Variants in UGT1A8 observed in about 807,000 individuals in gnomAD.
UGT1A8 encodes the protein UDP glucuronosyltransferase family 1 member A8, also known as UDP-glucuronosyltransferase 1A8.
UGT1A8 carries 39 observed loss-of-function variants against 45.3 expected under a neutral mutation model. The observed-to-expected ratio is 0.86, with a 90% CI of 0.67 to 1.12. The LOEUF is 1.12. Among genes scored for constraint, UGT1A8 ranks in the 50% most tolerant of loss-of-function variants. UGT1A8 has a pLI of 0.00. For missense variants in UGT1A8, 719 were observed against 664.9 expected (o/e 1.08, Z -0.90); for synonymous variants, 275 against 249.2 (o/e 1.10, Z -0.97).
chr2:233,628,222 A>G (rs964723688), intron 1 of UGT1A8, among the ~76,000 whole-genome samples: 1 of 152,090 alleles, frequency 6.6e-6, no homozygotes, highest in African/African-American at 2.4e-5. Flanking sequence ...GCATATTTTA[A>G]AGTAATAAAT....
At chr2:233,732,349 T>A (rs1331822531) in intron 1 of UGT1A8, among the ~76,000 whole-genome samples, 1 of 152,014 alleles carries the variant, frequency 6.6e-6, no homozygotes, top group Non-Finnish European at 1.5e-5. Flanking sequence ...GGTGTTTTAG[T>A]CATGAAGTCC....
chr2:233,772,094 C>G (rs995748491), intron 4 of UGT1A8, among the ~76,000 whole-genome samples, 168 bp from the exon 5 acceptor site: 7 of 152,164 alleles, frequency 4.6e-5, no homozygotes, highest in Admixed American at 3.9e-4. Context: ...GCCCGGGCAA[C>G]AGGGCAAGAC....
chr2:233,724,710 C>G (rs1205860523), intron 1 of UGT1A8, among the ~76,000 whole-genome samples: 2 of 144,674 alleles, frequency 1.4e-5, no homozygotes, highest in African/African-American at 5.2e-5. Context: ...TCCTCGCTTT[C>G]CAGACTGGGC....
At position 233,769,432 on chromosome 2, in the gene UGT1A8, C is replaced by T; in HGVS notation, c.1295+993C>T. On this transcript the variant is annotated intron_variant, in intron 4 of 4. Transcript: ENST00000373450. The surrounding 1 kb of genome is among the most constrained non-coding windows in gnomAD (Gnocchi z 4.4). Reference sequence around the variant, plus strand: ...GTGCGTTTGTGCATGTGGCTGTGCTCATGTGTGGGTGCACACGTGTGCATT... The same window carrying T: ...GTGCGTTTGTGCATGTGGCTGTGCTTATGTGTGGGTGCACACGTGTGCATT... 2 of 1,545,990 alleles carry T rather than the reference C, an allele frequency of 1.3e-6. No homozygotes were observed. The highest frequency in any genetic ancestry group is 1.8e-6 in the Non-Finnish European group (2 of 1,125,632).
At chr2:233,763,415 C>T (rs1277371697) in intron 1 of UGT1A8, among the ~76,000 whole-genome samples, 1 of 152,156 alleles carries the variant, frequency 6.6e-6, no homozygotes, top group Non-Finnish European at 1.5e-5. Flanking sequence ...ATTTTTAATC[C>T]AGTCAGGCAG....
chr2:233,696,068 A>T (rs1471650951), intron 1 of UGT1A8, among the ~76,000 whole-genome samples: 1 of 152,218 alleles, frequency 6.6e-6, no homozygotes, highest in Non-Finnish European at 1.5e-5. Context: ...TACAGCCACT[A>T]TGAAGAACAG....
At chr2:233,724,644 G>A (rs1189293479) in intron 1 of UGT1A8, among the ~76,000 whole-genome samples, 6 of 141,164 alleles carry the variant, frequency 4.3e-5, no homozygotes, top group Non-Finnish European at 7.7e-5. Flanking sequence ...ATGTGATGGC[G>A]GCTGGGAAGA....
chr2:233,735,668 T>C (rs552280878), intron 1 of UGT1A8, among the ~76,000 whole-genome samples: 4 of 152,360 alleles, frequency 2.6e-5, no homozygotes, highest in African/African-American at 4.8e-5. Context: ...TTTCCATGTT[T>C]AGTGCTTCCT....
At chr2:233,653,029 A>G (rs1419371438) in intron 1 of UGT1A8, among the ~76,000 whole-genome samples, 1 of 152,208 alleles carries the variant, frequency 6.6e-6, no homozygotes, top group South Asian at 2.1e-4. Flanking sequence ...GTGAACCCAC[A>G]TGGCCTCTCT....
At chr2:233,643,670 G>A (rs907774578) in intron 1 of UGT1A8, among the ~76,000 whole-genome samples, 1 of 152,132 alleles carries the variant, frequency 6.6e-6, no homozygotes, top group Non-Finnish European at 1.5e-5. Flanking sequence ...CTCACCTAGA[G>A]CCAGTAAGTC....
intron 1 of UGT1A8, among the ~76,000 whole-genome samples, chr2:233,632,411 T>G (rs1427142607): frequency 6.6e-6 from 1 of 152,210 alleles, no homozygotes; most frequent in Non-Finnish European, 1.5e-5. Flanking sequence ...ATTCAATCTA[T>G]AAATTACCTT....
chr2:233,679,418 T>G (rs543817503), intron 1 of UGT1A8, among the ~76,000 whole-genome samples: 1 of 152,346 alleles, frequency 6.6e-6, no homozygotes, highest in African/African-American at 2.4e-5. Flanking sequence ...GCAGTTCTAC[T>G]GATGAGGGCA....
intron 1 of UGT1A8, among the ~76,000 whole-genome samples, chr2:233,745,958 CA>C (rs1693266177): frequency 6.6e-6 from 1 of 151,586 alleles, no homozygotes; most frequent in African/African-American, 2.4e-5. Context: ...AACTGGGGGA[CA>C]GGGGCCCTGA....
rs756759474 is a variant in UGT1A8, at chr2:233,755,078, G to A, written c.856-11956G>A. ...CCCTCGCCTCGCCATAGCGGTCATA[G>A]ATATCGCGTTTCTACGCGTCCGACA... is the stretch of plus-strand genomic sequence containing the variant. On this transcript the variant is annotated intron_variant, in intron 1 of 4. Coordinates refer to ENST00000373450, the MANE Select transcript of UGT1A8 (RefSeq NM_019076.5). 9 of 1,336,426 alleles carry A rather than the reference G, an allele frequency of 6.7e-6. No individual in the cohort carries two copies. The Admixed American group carries it at 1.1e-4, about 17-fold the overall frequency. 82.8% of individuals were successfully genotyped at this position (1,336,426 alleles called of 1,614,324 possible).
intron 1 of UGT1A8, among the ~76,000 whole-genome samples, chr2:233,723,073 C>A (rs1176866455): frequency 2.1e-5 from 3 of 141,128 alleles, no homozygotes; most frequent in Non-Finnish European, 3.0e-5. Flanking sequence ...GGAAATATAT[C>A]ATCATTTTTG....
At chr2:233,741,857 T>C (rs1691796983) in intron 1 of UGT1A8, 1 of 151,956 alleles carries the variant, frequency 6.6e-6, no homozygotes, top group Non-Finnish European at 1.5e-5. Flanking sequence ...TCATGCCTTA[T>C]GCAAACCTTT....
chr2:233,734,476 T>C (rs1027928479), intron 1 of UGT1A8, among the ~76,000 whole-genome samples: 15 of 152,296 alleles, frequency 9.8e-5, no homozygotes, highest in African/African-American at 3.6e-4. Context: ...CCTGGATTCA[T>C]TGATTTTTTT....
intron 1 of UGT1A8, among the ~76,000 whole-genome samples, chr2:233,621,027 T>G (rs1487249212): frequency 6.6e-6 from 1 of 152,090 alleles, no homozygotes; most frequent in African/African-American, 2.4e-5. Context: ...GCACAGGGGA[T>G]TTCTTGAAGA....
chr2:233,767,779 A>G, intron 2 of UGT1A8, 70 bp from the exon 3 acceptor site: 1 of 1,612,962 alleles, frequency 6.2e-7, no homozygotes. Flanking sequence ...TTTTCTAGTT[A>G]GTATAGCAGA....
Sources: gnomAD v4.1 joint callset for allele counts (sites outside exome capture counted in the v4.1 genomes callset) on GRCh38, gnomAD v4.1.1 for gene constraint, Gnocchi (gnomAD v3.1) non-coding constraint, MANE v1.5 for transcripts, NCBI Gene and HGNC (gene_info 2026-07-23, HGNC 2026-07-21) for gene names.